SUPT20H: variants seen among roughly 807,000 people sequenced by gnomAD.
SUPT20H encodes SPT20 homolog, SAGA complex component.
A neutral mutation model predicts 122.8 loss-of-function variants in SUPT20H; 82 were observed. The observed-to-expected ratio is 0.67, with a 90% confidence interval of 0.56 to 0.80. The LOEUF (loss-of-function observed/expected upper bound fraction) is 0.80. Among genes scored for constraint, SUPT20H ranks in the 30% least tolerant of loss-of-function variants. SUPT20H has a pLI of 0.00. For missense variants in SUPT20H, 831 were observed against 921.6 expected (o/e 0.90, Z 1.27); for synonymous variants, 291 against 313.0 (o/e 0.93, Z 0.74).
At chr13:37,019,120 G>C (rs1002216412) in intron 22 of SUPT20H, among the ~76,000 whole-genome samples, 1 of 152,182 alleles carries the variant, frequency 6.6e-6, no homozygotes, top group South Asian at 2.1e-4. Context: ...AGCACAGCTA[G>C]TTCTTAATTA....
intron 3 of SUPT20H, 31 bp from the exon 4 acceptor site, chr13:37,047,967 GC>G (rs771831439): frequency 5.1e-6 from 8 of 1,572,832 alleles, no homozygotes; most frequent in Non-Finnish European, 6.9e-6. Context: ...AGAACAGCTT[GC>G]TTTTTGCTTT....
chr13:37,020,715 GT>G (rs886683252), intron 21 of SUPT20H, among the ~76,000 whole-genome samples: 3 of 152,142 alleles, frequency 2.0e-5, no homozygotes, highest in Non-Finnish European at 4.4e-5. Context: ...AACTAAGAAA[GT>G]TTTTAATAAA....
intron 19 of SUPT20H, 179 bp downstream of exon 19, chr13:37,023,856 A>G (rs756422992): frequency 1.5e-5 from 8 of 522,572 alleles, no homozygotes; most frequent in Non-Finnish European, 2.2e-5. Context: ...GTACAATTAC[A>G]ATAGAGACAT....
At chr13:37,040,092 C>A (rs960172251) in intron 9 of SUPT20H, 16 of 175,594 alleles carry the variant, frequency 9.1e-5, no homozygotes, top group Middle Eastern at 2.0e-3. Context: ...AAAAAAAAAA[C>A]CAGTATCTAT....
chr13:37,010,901 CTCTCT>C (rs996487819), intron 24 of SUPT20H: 3 of 338,950 alleles, frequency 8.9e-6, no homozygotes, highest in Admixed American at 4.1e-5. Flanking sequence ...AGCACTGAAC[CTCTCT>C]TCTCTTGCAT....
At chr13:37,025,500 A>G in intron 16 of SUPT20H, 63 bp from the exon 17 acceptor site, 1 of 1,117,232 alleles carries the variant, frequency 9.0e-7, no homozygotes. Context: ...AATTTATTTT[A>G]TAGGAAAGAA....
intron 10 of SUPT20H, 47 bp from the exon 11 acceptor site, chr13:37,031,942 T>A (rs1464748767): frequency 2.0e-6 from 3 of 1,512,020 alleles, no homozygotes; most frequent in Non-Finnish European, 2.7e-6. Context: ...TAAAAGAAAC[T>A]CATAATATAT....
chr13:37,051,091 T>G (rs906637917), intron 2 of SUPT20H, among the ~76,000 whole-genome samples: 3 of 152,206 alleles, frequency 2.0e-5, no homozygotes, highest in Non-Finnish European at 4.4e-5. Context: ...ATACGTTATA[T>G]GCAGTTAGCA....
At chr13:37,023,596 T>C (rs951984149) in intron 19 of SUPT20H, 3 of 153,248 alleles carry the variant, frequency 2.0e-5, no homozygotes, top group African/African-American at 7.2e-5. Context: ...ATCACCACCT[T>C]GGAACTAGTT....
intron 12 of SUPT20H, among the ~76,000 whole-genome samples, chr13:37,030,156 A>G (rs557154336): frequency 6.6e-6 from 1 of 152,290 alleles, no homozygotes; most frequent in East Asian, 1.9e-4. Flanking sequence ...CTTCAGGAAA[A>G]TTGGAATGTC....
chr13:37,042,552 C>T (rs1244027559), intron 7 of SUPT20H, among the ~76,000 whole-genome samples: 3 of 152,150 alleles, frequency 2.0e-5, no homozygotes, highest in Non-Finnish European at 2.9e-5. Context: ...AAAATGATGT[C>T]TCAGAAGTCA....
intron 6 of SUPT20H, among the ~76,000 whole-genome samples, chr13:37,045,036 T>C (rs1047272678): frequency 6.6e-6 from 1 of 152,094 alleles, no homozygotes; most frequent in Non-Finnish European, 1.5e-5. Context: ...AAAATGCACA[T>C]TCAGGAAAGA....
chr13:37,025,939 G>C (rs2062177686), intron 16 of SUPT20H: 1 of 330,606 alleles, frequency 3.0e-6, no homozygotes, highest in Admixed American at 4.7e-5. Flanking sequence ...CCCATGAAAA[G>C]AACCATTCTT....
At chr13:37,044,945 T>G (rs928249049) in intron 6 of SUPT20H, among the ~76,000 whole-genome samples, 11 of 152,002 alleles carry the variant, frequency 7.2e-5, no homozygotes, top group Non-Finnish European at 1.3e-4. Flanking sequence ...TCTATAATTT[T>G]CCTTTTTTTT....
intron 9 of SUPT20H, among the ~76,000 whole-genome samples, chr13:37,036,863 T>C (rs796845055): frequency 6.6e-6 from 1 of 152,250 alleles, no homozygotes; most frequent in African/African-American, 2.4e-5. Context: ...TAACAGTTAA[T>C]TCTAAGAATA....
intron 1 of SUPT20H, among the ~76,000 whole-genome samples, chr13:37,055,649 A>G (rs1267989639): frequency 6.6e-6 from 1 of 152,230 alleles, no homozygotes; most frequent in Non-Finnish European, 1.5e-5. Context: ...TGTTAGACCT[A>G]AAACCATAAA....
intron 4 of SUPT20H, 54 bp downstream of exon 4, chr13:37,047,824 T>C (rs2066795663): frequency 2.7e-6 from 4 of 1,501,758 alleles, no homozygotes; most frequent in Non-Finnish European, 3.6e-6. Flanking sequence ...CAATAAAAGG[T>C]AGCTATCATC....
At chr13:37,053,640 T>C (rs1339786972) in intron 1 of SUPT20H, among the ~76,000 whole-genome samples, 1 of 151,678 alleles carries the variant, frequency 6.6e-6, no homozygotes, top group Admixed American at 6.6e-5. Context: ...TGTATACCTA[T>C]GTAACAAACC....
In SUPT20H at chr13:37,040,586, G is replaced by C. The variant is rs1401668365; in HGVS notation, c.503C>G (p.Pro168Arg). 1 of 1,613,560 alleles carries C rather than the reference G, an allele frequency of 6.2e-7. No homozygotes were observed. The highest frequency in any genetic ancestry group is 1.3e-5 in the African/African-American group (1 of 74,894). The change falls in exon 8 of 26, where the codon CCA becomes CGA. Residue 168 changes from proline (P) to arginine (R), a missense_variant. Physicochemically the swap from Pro to Arg is moderately radical, Grantham distance 103. Coordinates refer to ENST00000350612, the MANE Select transcript of SUPT20H (RefSeq NM_001014286.3). Reference protein sequence around the residue: ...GYQSRHILLRPTMQTLICDVH... With the variant: ...GYQSRHILLRRTMQTLICDVH... ...ATTAAACATCCTTACCTGCATTGTT[G>C]GACGTAAGAGAATGTGCCGACTTTG...
Sources: allele counts gnomAD v4.1 joint callset (sites outside exome capture counted in the v4.1 genomes callset), GRCh38; gene constraint gnomAD v4.1.1; transcripts MANE v1.5; gene names NCBI Gene and HGNC (gene_info 2026-07-23, HGNC 2026-07-21).